The following DOCK10 variants were observed in gnomAD, a reference collection of about 807,000 sequenced individuals.
The protein encoded by DOCK10 is dedicator of cytokinesis protein 10.
DOCK10 carries 145 observed loss-of-function variants against 280.1 expected under a neutral mutation model. That is an observed-to-expected ratio of 0.52 (90% CI 0.45 to 0.59). The LOEUF (loss-of-function observed/expected upper bound fraction) is 0.59, where lower values mean the gene tolerates loss of function less well. Among genes scored for constraint, DOCK10 ranks in the 20% least tolerant of loss-of-function variants. DOCK10 has a pLI of 0.00. For synonymous variants in DOCK10, 915 were observed against 942.2 expected (o/e 0.97, Z 0.53); for missense variants, 2,368 against 2,651.7 (o/e 0.89, Z 2.35).
intron 1 of DOCK10, among the ~76,000 whole-genome samples, chr2:225,041,426 A>AC (rs1313539359): frequency 1.3e-5 from 2 of 152,044 alleles, no homozygotes; most frequent in African/African-American, 4.8e-5. Flanking sequence ...GGCAGTGTGG[A>AC]CCTACTGCAA....
At chr2:225,015,675 T>A (rs569736037) in intron 1 of DOCK10, among the ~76,000 whole-genome samples, 6 of 152,280 alleles carry the variant, frequency 3.9e-5, no homozygotes, top group African/African-American at 9.6e-5. Context: ...TCAGGCCTTT[T>A]CAAGAGCAGT....
rs577019428 is a variant in DOCK10 at position 225,018,153 on chromosome 2, G to A, written c.123+24099C>T. ...AGTATTCATACATTTTTATAGTACA[G>A]TACATCAAGAAACTTTTTTAAAAAT... is the stretch of plus-strand genomic sequence containing the variant. On this transcript the variant is annotated intron_variant, in intron 1 of 55. Coordinates refer to ENST00000258390, the MANE Select transcript of DOCK10 (RefSeq NM_014689.3). Among the ~76,000 whole-genome samples the A allele has an allele frequency of 3.9e-5, 6 of 152,242 alleles. No individual in the cohort carries two copies. The East Asian group carries it at 1.2e-3, about 29-fold the overall frequency.
chr2:224,878,267 T>A (rs1698762458), intron 7 of DOCK10, among the ~76,000 whole-genome samples: 1 of 152,374 alleles, frequency 6.6e-6, no homozygotes, highest in East Asian at 1.9e-4. Flanking sequence ...CTCTGTACTT[T>A]ATGGTCATTA....
At chr2:224,854,585 GT>G (rs1158759243) in intron 16 of DOCK10, among the ~76,000 whole-genome samples, 1 of 152,076 alleles carries the variant, frequency 6.6e-6, no homozygotes, top group Non-Finnish European at 1.5e-5. Flanking sequence ...TGGATTATTG[GT>G]TTGTTAATCT....
At chr2:225,000,656 A>G (rs1706407001) in intron 1 of DOCK10, among the ~76,000 whole-genome samples, 1 of 152,156 alleles carries the variant, frequency 6.6e-6, no homozygotes, top group African/African-American at 2.4e-5. Flanking sequence ...TCCCTCAGAG[A>G]AAGGTTGCCC....
chr2:224,896,474 T>C, intron 3 of DOCK10, 97 bp from the exon 4 acceptor site: 1 of 688,850 alleles, frequency 1.5e-6, no homozygotes, highest in Non-Finnish European at 2.3e-6. Flanking sequence ...TTTGAGAGTC[T>C]GAGGCGGGTA....
At chr2:225,015,694 A>C (rs1052033768) in intron 1 of DOCK10, among the ~76,000 whole-genome samples, 4 of 152,138 alleles carry the variant, frequency 2.6e-5, no homozygotes, top group African/African-American at 9.7e-5. Flanking sequence ...GTGGAGCTCC[A>C]TTGCAATCAA....
rs553381324 is a variant in DOCK10 at position 224,794,140 on chromosome 2, T to A, written c.5155-683A>T. ...GCCCAAGGGCTTCTCATTCTTGTCC[T>A]CACTAAATTGCTGCCAAGCCAGCCT... On this transcript the variant is annotated intron_variant, in intron 45 of 55. Coordinates refer to ENST00000258390, the MANE Select transcript of DOCK10 (RefSeq NM_014689.3). 2.0e-5 allele frequency among the ~76,000 whole-genome samples: 3 copies of A among 152,344 alleles called. No individual in the cohort carries two copies. In the South Asian group the frequency reaches 6.2e-4, roughly 32 times the overall value.
chr2:224,951,756 G>A (rs1033952478), intron 1 of DOCK10, among the ~76,000 whole-genome samples: 1 of 152,186 alleles, frequency 6.6e-6, no homozygotes, highest in Non-Finnish European at 1.5e-5. Context: ...TGTCAACAGG[G>A]TGGTATCTCT....
chr2:224,973,445 G>A (rs1052302184), intron 1 of DOCK10, among the ~76,000 whole-genome samples: 3 of 152,116 alleles, frequency 2.0e-5, no homozygotes, highest in East Asian at 1.9e-4. Context: ...GATCAGAGTC[G>A]GAGAGTCGCT....
chr2:224,772,682 A>G (rs933499169), intron 53 of DOCK10, among the ~76,000 whole-genome samples: 2 of 152,086 alleles, frequency 1.3e-5, no homozygotes, highest in African/African-American at 4.8e-5. Flanking sequence ...TATTTACTCT[A>G]TCCTCCTCAA....
At chr2:224,921,231 G>C (rs75363166) in intron 2 of DOCK10, among the ~76,000 whole-genome samples, 34,300 of 147,464 alleles carry the variant, frequency 0.23, 4,508 homozygotes, top group Non-Finnish European at 0.28. Context: ...GAACCTGGGA[G>C]GGGGAGGTTG....
intron 42 of DOCK10, 89 bp from the exon 43 acceptor site, chr2:224,797,235 T>G: frequency 3.1e-6 from 3 of 974,906 alleles, no homozygotes; most frequent in Non-Finnish European, 4.2e-6. Context: ...TAAAACAAAA[T>G]CCCTCTCCTT....
chr2:224,851,938 T>C (rs529706182), intron 18 of DOCK10, among the ~76,000 whole-genome samples: 217 of 152,286 alleles, frequency 1.4e-3, no homozygotes, highest in Non-Finnish European at 2.8e-3. Flanking sequence ...CCTCAGGCAC[T>C]TGGCCACGTG....
chr2:224,921,108 A>ATATATATATATATATATATATAT (rs1553613930), intron 2 of DOCK10, among the ~76,000 whole-genome samples: 8 of 71,068 alleles, frequency 1.1e-4, no homozygotes, highest in African/African-American at 7.2e-4. Flanking sequence ...AAAAAAAAAA[A>ATATATATATATATATATATATAT]AAAAATATAT....
At chr2:224,771,952 G>T (rs1447733780) in intron 53 of DOCK10, among the ~76,000 whole-genome samples, 1 of 149,582 alleles carries the variant, frequency 6.7e-6, no homozygotes, top group Admixed American at 6.7e-5. Context: ...ATGGAGTCTT[G>T]CTCTGTCACT....
intron 3 of DOCK10, among the ~76,000 whole-genome samples, chr2:224,900,277 T>TAA (rs556099425): frequency 2.1e-4 from 31 of 146,194 alleles, no homozygotes; most frequent in Admixed American, 2.1e-4. Flanking sequence ...ATGATACTAG[T>TAA]AAAAAAAAAA....
chr2:224,830,881 T>C (rs1695178499), intron 26 of DOCK10, among the ~76,000 whole-genome samples: 1 of 151,876 alleles, frequency 6.6e-6, no homozygotes, highest in Non-Finnish European at 1.5e-5. Context: ...TCAAGGGATG[T>C]TCTAGTTGTT....
At chr2:224,804,659 G>T in intron 38 of DOCK10, 135 bp downstream of exon 38, 1 of 631,932 alleles carries the variant, frequency 1.6e-6, no homozygotes, top group Non-Finnish European at 2.7e-6. Context: ...TGTGTCTAAT[G>T]TGACGTCAAC....
Sources: allele counts gnomAD v4.1 joint callset (sites outside exome capture counted in the v4.1 genomes callset), GRCh38; gene constraint gnomAD v4.1.1; transcripts MANE v1.5; gene names NCBI Gene and HGNC (gene_info 2026-07-23, HGNC 2026-07-21).